Variants in DLC1 observed in about 807,000 individuals in gnomAD.
DLC1 encodes DLC1 Rho GTPase activating protein.
Under a neutral mutation model 140.3 loss-of-function variants are expected in DLC1, and 54 were observed. The observed-to-expected ratio is 0.38, with a 90% CI of 0.31 to 0.48. The LOEUF is 0.48. DLC1 is among the 20% of genes least tolerant of loss of function. DLC1 has a pLI of 0.96. For missense variants in DLC1, 2,536 were observed against 1,907.0 expected (o/e 1.33, Z -6.14); for synonymous variants, 986 against 728.1 (o/e 1.35, Z -5.70).
At chr8:13,120,669 C>G (rs1330851511) in intron 5 of DLC1, among the ~76,000 whole-genome samples, 1 of 152,028 alleles carries the variant, frequency 6.6e-6, no homozygotes, top group East Asian at 1.9e-4. Flanking sequence ...CCTGGGTTTT[C>G]TCTAAGCAAA....
intron 4 of DLC1, among the ~76,000 whole-genome samples, chr8:13,356,692 C>T (rs7840183): frequency 0.062 from 9,455 of 152,150 alleles, 372 homozygotes; most frequent in Non-Finnish European, 0.086. Context: ...GTTGCTAGCC[C>T]ATGGTCTAGG....
intron 5 of DLC1, among the ~76,000 whole-genome samples, chr8:13,203,615 C>T (rs1413669496): frequency 6.6e-6 from 1 of 152,198 alleles, no homozygotes; most frequent in African/African-American, 2.4e-5. Context: ...TTTCCATCCT[C>T]TCTTCTTGTC....
intron 1 of DLC1, among the ~76,000 whole-genome samples, chr8:13,577,482 C>T (rs948728952): frequency 3.3e-5 from 5 of 152,200 alleles, no homozygotes; most frequent in African/African-American, 9.6e-5. Flanking sequence ...TCAGATTTTA[C>T]GTATATCTTG....
intron 2 of DLC1, among the ~76,000 whole-genome samples, chr8:13,460,439 A>G (rs965382254): frequency 3.9e-5 from 6 of 152,238 alleles, no homozygotes; most frequent in African/African-American, 1.4e-4. Flanking sequence ...ATCATAAAAG[A>G]TATTTAGACC....
intron 4 of DLC1, among the ~76,000 whole-genome samples, chr8:13,325,996 T>G (rs1304069854): frequency 6.6e-6 from 1 of 151,522 alleles, no homozygotes; most frequent in Non-Finnish European, 1.5e-5. Context: ...AGGAAATGAT[T>G]GACATTCAGT....
chr8:13,230,432 G>A (rs1173018649), intron 5 of DLC1, among the ~76,000 whole-genome samples: 2 of 152,092 alleles, frequency 1.3e-5, no homozygotes, highest in Non-Finnish European at 2.9e-5. Flanking sequence ...AAAAGCAAAC[G>A]ATAAAGCAAG....
chr8:13,566,851 T>TG, intron 1 of DLC1: 1 of 1,143,218 alleles, frequency 8.7e-7, no homozygotes, highest in South Asian at 1.9e-5. Flanking sequence ...CCAAGACAGC[T>TG]GGGAAGGCGT....
intron 2 of DLC1, among the ~76,000 whole-genome samples, chr8:13,436,791 A>T (rs1470062904): frequency 1.3e-5 from 2 of 151,930 alleles, no homozygotes; most frequent in Non-Finnish European, 1.5e-5. Context: ...GAATTTATTT[A>T]TTTTTTTTAA....
At chr8:13,424,952 G>A (rs1838489501) in intron 2 of DLC1, among the ~76,000 whole-genome samples, 1 of 152,088 alleles carries the variant, frequency 6.6e-6, no homozygotes, top group Non-Finnish European at 1.5e-5. Flanking sequence ...GAATATAAAT[G>A]GCTATAAATA....
At chr8:13,580,106 A>T (rs1294830717) in intron 1 of DLC1, among the ~76,000 whole-genome samples, 1 of 126,530 alleles carries the variant, frequency 7.9e-6, no homozygotes, top group African/African-American at 3.0e-5. Context: ...TCAGCTTCTA[A>T]TTTAAGTTGG....
chr8:13,115,688 G>A (rs1820495713), intron 5 of DLC1, 31 bp from the exon 6 acceptor site: 2 of 1,606,062 alleles, frequency 1.2e-6, no homozygotes, highest in Non-Finnish European at 1.7e-6. Flanking sequence ...GACAAAATTA[G>A]CCATGTGTAC....
At chr8:13,239,446 G>C (rs964046363) in intron 5 of DLC1, among the ~76,000 whole-genome samples, 4 of 152,102 alleles carry the variant, frequency 2.6e-5, no homozygotes, top group Non-Finnish European at 5.9e-5. Flanking sequence ...GCCTGGACTA[G>C]GGTTCCTCAT....
Position 13,251,235 on chromosome 8 carries a change from C to T in DLC1, c.1348+54034G>A, listed in dbSNP as rs185951037. On this transcript the variant is annotated intron_variant, in intron 5 of 17. Coordinates refer to ENST00000276297, the MANE Select transcript of DLC1 (RefSeq NM_182643.3). ...AACCTCACTTACCTCCTTATACCTT[C>T]CACTTACCCCAATTATCTCCTAACA... Among the ~76,000 whole-genome samples, 335 of 152,306 alleles carry T rather than the reference C, an allele frequency of 2.2e-3. 3 individuals carry two copies. The highest frequency in any genetic ancestry group is 7.5e-3 in the African/African-American group (312 of 41,566).
chr8:13,426,397 A>G (rs1011696574), intron 2 of DLC1, among the ~76,000 whole-genome samples: 2 of 152,214 alleles, frequency 1.3e-5, no homozygotes, highest in African/African-American at 4.8e-5. Context: ...AGTAGCAGCT[A>G]CCATTGTACT....
Position 13,589,689 on chromosome 8 carries a change from GTT to G in DLC1, c.-126+14846_-126+14847del, listed in dbSNP as rs5889464. Among the ~76,000 whole-genome samples the G allele has an allele frequency of 2.1e-3, 300 of 145,664 alleles. 3 individuals carry two copies. Among genetic ancestry groups the G allele is most frequent in the South Asian group, 7.1e-3 (33 of 4,632 alleles). On this transcript the variant is annotated intron_variant, in intron 1 of 1. Transcript: ENST00000631382. ...TGCCCAGTTCTATATAGAATGCTCT[GTT>G]TTTTTTTTTTCACAGATTTAGGAAG...
At position 13,526,221 on chromosome 8, in the gene DLC1, A is replaced by G. The variant is rs550574643; in HGVS notation, c.-125-26025T>C. 2.6e-5 allele frequency among the ~76,000 whole-genome samples: 4 copies of G among 152,294 alleles called. No homozygotes were observed. The South Asian group carries it at 8.3e-4, about 32-fold the overall frequency. The stretch of plus-strand genomic sequence containing the variant: ...ACACTGCATTAACTATTATAGCTTT[A>G]CAATAAGTTTTACACCAAGTATTAT... On this transcript the variant is annotated intron_variant, in intron 1 of 1. Coordinates refer to the DLC1 transcript ENST00000631382.
At chr8:13,357,368 T>A (rs1441475712) in intron 4 of DLC1, among the ~76,000 whole-genome samples, 1 of 152,224 alleles carries the variant, frequency 6.6e-6, no homozygotes, top group African/African-American at 2.4e-5. Context: ...GAAAACTGTT[T>A]TATATGTCTT....
chr8:13,524,098 A>G (rs1802842574), intron 1 of DLC1, among the ~76,000 whole-genome samples: 1 of 137,648 alleles, frequency 7.3e-6, no homozygotes, highest in Non-Finnish European at 1.5e-5. Context: ...CACAGTTGTT[A>G]TCTATTCTAT....
Position 13,228,191 on chromosome 8 carries a change from A to AT in DLC1, c.1348+77077dup, listed in dbSNP as rs1206431044. 5.9e-5 allele frequency among the ~76,000 whole-genome samples: 9 copies of AT among 151,814 alleles called. No homozygotes were observed. In the East Asian group the frequency reaches 7.7e-4, roughly 13 times the overall value. ...CTTGTTCTAATATTCTTATTAGGGG[A>AT]TTTTTTGGGGGGATTTTGTATATTT... On this transcript the variant is annotated intron_variant, in intron 5 of 17. Transcript: ENST00000276297.
Sources: gnomAD v4.1 joint callset for allele counts (sites outside exome capture counted in the v4.1 genomes callset) on GRCh38, gnomAD v4.1.1 for gene constraint, MANE v1.5 for transcripts, NCBI Gene and HGNC (gene_info 2026-07-23, HGNC 2026-07-21) for gene names.